ARK2N: variants seen among roughly 807,000 people sequenced by gnomAD.
The protein encoded by ARK2N is protein ARK2N.
At chr18:46,186,941 G>C in the ARK2N span, among the ~76,000 whole-genome samples, 1 of 150,876 alleles carries the variant, frequency 6.6e-6, no homozygotes, top group South Asian at 2.1e-4. Flanking sequence ...TGCAACCTCT[G>C]CCTCCCGGAT....
the ARK2N span, among the ~76,000 whole-genome samples, chr18:46,260,973 A>G: frequency 6.6e-6 from 1 of 152,188 alleles, no homozygotes; most frequent in Admixed American, 6.5e-5. Flanking sequence ...CTTAGTGAGC[A>G]ATACAGATAA....
the ARK2N span, among the ~76,000 whole-genome samples, chr18:46,197,784 A>C: frequency 1.3e-5 from 2 of 152,186 alleles, no homozygotes; most frequent in Non-Finnish European, 2.9e-5. Context: ...ACTGATATAA[A>C]TAGCATTTCT....
At chr18:46,187,423 C>T in the ARK2N span, among the ~76,000 whole-genome samples, 1 of 150,858 alleles carries the variant, frequency 6.6e-6, no homozygotes, top group Non-Finnish European at 1.5e-5. Flanking sequence ...CTCACTGCAA[C>T]CTCCGCCTCC....
the ARK2N span, among the ~76,000 whole-genome samples, chr18:46,249,653 A>G: frequency 6.6e-6 from 1 of 152,136 alleles, no homozygotes; most frequent in Non-Finnish European, 1.5e-5. Context: ...TGTCAAACCT[A>G]TTCTCTGCCC....
At chr18:46,219,760 C>T in the ARK2N span, among the ~76,000 whole-genome samples, 1 of 152,100 alleles carries the variant, frequency 6.6e-6, no homozygotes, top group Non-Finnish European at 1.5e-5. Flanking sequence ...TGAGCCACCA[C>T]GCCCGGCCAT....
the ARK2N span, among the ~76,000 whole-genome samples, chr18:46,225,681 C>T: frequency 0.012 from 1,755 of 152,244 alleles, 62 homozygotes; most frequent in East Asian, 0.12. Flanking sequence ...AAGCTGGTCT[C>T]GAACTCCTGA....
At chr18:46,213,089 C>T in the ARK2N span, among the ~76,000 whole-genome samples, 1 of 149,152 alleles carries the variant, frequency 6.7e-6, no homozygotes, top group East Asian at 2.0e-4. Flanking sequence ...GCAAGCTCCA[C>T]CTCCCGGGTT....
chr18:46,189,659 G>A, the ARK2N span, among the ~76,000 whole-genome samples: 1 of 151,316 alleles, frequency 6.6e-6, no homozygotes, highest in Non-Finnish European at 1.5e-5. Context: ...GACCAGGGAG[G>A]GTAGAGTTTG....
At chr18:46,266,830 T>C in the ARK2N span, 1 of 152,638 alleles carries the variant, frequency 6.6e-6, no homozygotes, top group African/African-American at 2.4e-5. Context: ...CGTTTTTGTT[T>C]CCCTTTAGTA....
the ARK2N span, among the ~76,000 whole-genome samples, chr18:46,248,756 T>C: frequency 5.3e-5 from 8 of 152,114 alleles, no homozygotes; most frequent in Non-Finnish European, 1.2e-4. Flanking sequence ...AGCTAATTTT[T>C]GTATTTTTAG....
the ARK2N span, among the ~76,000 whole-genome samples, chr18:46,261,540 A>G: frequency 6.6e-6 from 1 of 152,262 alleles, no homozygotes; most frequent in African/African-American, 2.4e-5. Context: ...TTCCATGACT[A>G]CATGGTCACT....
the ARK2N span, among the ~76,000 whole-genome samples, chr18:46,200,797 A>G: frequency 6.6e-6 from 1 of 151,720 alleles, no homozygotes; most frequent in East Asian, 1.9e-4. Flanking sequence ...TTTTTTTGAG[A>G]CAGTGACACT....
chr18:46,197,060 A>G, the ARK2N span, among the ~76,000 whole-genome samples: 1 of 152,220 alleles, frequency 6.6e-6, no homozygotes, highest in Non-Finnish European at 1.5e-5. Context: ...TATTATTAGA[A>G]GCAAGCCATC....
At chr18:46,216,358 T>TC in the ARK2N span, 1 of 1,613,768 alleles carries the variant, frequency 6.2e-7, no homozygotes, top group Non-Finnish European at 8.5e-7. This position sits in a 1 kb window ranked among gnomAD's most constrained non-coding sequence, Gnocchi z 4.3. Flanking sequence ...AAACCGGCAA[T>TC]CCAGTGATAA....
the ARK2N span, among the ~76,000 whole-genome samples, chr18:46,204,405 A>C: frequency 6.6e-6 from 1 of 152,156 alleles, no homozygotes; most frequent in East Asian, 1.9e-4. Flanking sequence ...AAAGTACTAT[A>C]GCCTCTTGTG....
At chr18:46,222,393 C>T in the ARK2N span, among the ~76,000 whole-genome samples, 1 of 152,104 alleles carries the variant, frequency 6.6e-6, no homozygotes, top group Non-Finnish European at 1.5e-5. Context: ...GCATTAAGTG[C>T]CCTCTTTTAC....
chr18:46,186,362 A>G, the ARK2N span, among the ~76,000 whole-genome samples: 3 of 151,428 alleles, frequency 2.0e-5, no homozygotes, highest in African/African-American at 7.3e-5. Flanking sequence ...TGCCCACCTA[A>G]TTTTTGTATT....
chr18:46,239,719 T>TA, the ARK2N span, among the ~76,000 whole-genome samples: 1 of 152,232 alleles, frequency 6.6e-6, no homozygotes, highest in Non-Finnish European at 1.5e-5. Flanking sequence ...TCTTGCTCTT[T>TA]AAAAGTATGA....
At chr18:46,243,733 G>A in the ARK2N span, among the ~76,000 whole-genome samples, 538 of 152,232 alleles carry the variant, frequency 3.5e-3, 5 homozygotes, top group African/African-American at 0.012. Flanking sequence ...CTTAGAAACT[G>A]CATGTCCTCA....
Sources: allele counts gnomAD v4.1 joint callset (sites outside exome capture counted in the v4.1 genomes callset), GRCh38; gene constraint gnomAD v4.1.1; non-coding constraint Gnocchi (gnomAD v3.1); transcripts MANE v1.5; gene names NCBI Gene and HGNC (gene_info 2026-07-23, HGNC 2026-07-21).